Variants in YEATS2 observed in about 807,000 individuals in gnomAD.
YEATS2 encodes the protein YEATS domain-containing protein 2.
In YEATS2, 77 loss-of-function variants were observed where a neutral mutation model predicts 163.2. The ratio of observed to expected loss-of-function variants is 0.47; its 90% CI spans 0.39 to 0.57. YEATS2 has a LOEUF of 0.57. Ranked by LOEUF, YEATS2 falls within the 20% of genes least tolerant of loss-of-function variation. The pLI, the probability that YEATS2 is intolerant of heterozygous loss-of-function variation, is 0.00. For synonymous variants in YEATS2, 631 were observed against 645.1 expected (o/e 0.98, Z 0.33); for missense variants, 1,549 against 1,729.8 (o/e 0.90, Z 1.85).
In YEATS2 at chr3:183,804,148, C is replaced by A; in HGVS notation, c.3744C>A (p.Asp1248Glu). 1 of 1,614,168 alleles carries A rather than the reference C, an allele frequency of 6.2e-7. No homozygotes were observed. Among genetic ancestry groups the A allele is most frequent in the Non-Finnish European group, 8.5e-7 (1 of 1,180,032 alleles). The change falls in exon 27 of 31, where the codon GAC (aspartate) becomes GAA (glutamate). Residue 1248 changes from aspartate (D) to glutamate (E), a missense_variant. Coordinates refer to ENST00000305135, the MANE Select transcript of YEATS2 (RefSeq NM_018023.5). Reference protein sequence around the residue: ...PDPESLRNDGDSIEDVLTQID... With the variant: ...PDPESLRNDGESIEDVLTQID... The stretch of plus-strand genomic sequence containing the variant: ...CTGAGAGCCTGAGGAATGACGGGGA[C>A]TCCATCGAGGACGTGCTGACCCAGA...
intron 9 of YEATS2, among the ~76,000 whole-genome samples, chr3:183,749,278 C>T (rs1039790864): frequency 1.3e-5 from 2 of 152,170 alleles, no homozygotes; most frequent in Non-Finnish European, 1.5e-5. Context: ...GCTTAAAAAA[C>T]ACGTAACACA....
intron 1 of YEATS2, among the ~76,000 whole-genome samples, chr3:183,703,363 A>G (rs1246040347): frequency 4.6e-5 from 7 of 152,146 alleles, no homozygotes; most frequent in African/African-American, 1.4e-4. Flanking sequence ...TTAGCATAGC[A>G]TTTTTTTGTC....
rs115915018 is a variant in YEATS2 at position 183,760,004 on chromosome 3, C to T, written c.1656+1039C>T. Among the ~76,000 whole-genome samples, 650 of 152,284 alleles carry T rather than the reference C, an allele frequency of 4.3e-3. 7 individuals carry two copies. Among genetic ancestry groups the T allele is most frequent in the African/African-American group, 0.015 (630 of 41,570 alleles). The stretch of plus-strand genomic sequence containing the variant: ...TAAAATTTACAACTCCAAATATGAT[C>T]TGACCTGTTCCAGTCAAATGACTGG... On this transcript the variant is annotated intron_variant, in intron 13 of 30. Transcript: ENST00000305135.
At chr3:183,771,456 T>A (rs1167303596) in intron 15 of YEATS2, among the ~76,000 whole-genome samples, 1 of 151,712 alleles carries the variant, frequency 6.6e-6, no homozygotes, top group Non-Finnish European at 1.5e-5. Context: ...AAAGAATTCA[T>A]TTTACTTTTG....
At chr3:183,727,327 C>G (rs1042988511) in intron 6 of YEATS2, among the ~76,000 whole-genome samples, 13 of 152,124 alleles carry the variant, frequency 8.5e-5, no homozygotes, top group African/African-American at 2.9e-4. Context: ...CTTCTTTATG[C>G]CAATACATTG....
chr3:183,752,370 C>T, intron 10 of YEATS2, 117 bp downstream of exon 10: 1 of 1,254,342 alleles, frequency 8.0e-7, no homozygotes, highest in Non-Finnish European at 1.1e-6. Flanking sequence ...CATGCTGCCT[C>T]TACTACACAG....
chr3:183,727,320 C>T (rs1286529785), intron 6 of YEATS2, among the ~76,000 whole-genome samples: 4 of 152,188 alleles, frequency 2.6e-5, no homozygotes, highest in Non-Finnish European at 4.4e-5. Context: ...CTATTAACTT[C>T]TTTATGCCAA....
intron 15 of YEATS2, among the ~76,000 whole-genome samples, chr3:183,768,681 A>G (rs1722157226): frequency 6.6e-6 from 1 of 152,162 alleles, no homozygotes; most frequent in Non-Finnish European, 1.5e-5. Flanking sequence ...AATGAAGTTC[A>G]TGCAGTTAGA....
intron 8 of YEATS2, among the ~76,000 whole-genome samples, chr3:183,743,240 A>G (rs981305915): frequency 6.6e-6 from 1 of 152,234 alleles, no homozygotes; most frequent in Non-Finnish European, 1.5e-5. Context: ...GAAATATACC[A>G]AAAAGTTGGA....
chr3:183,765,337 G>A (rs371974621), intron 15 of YEATS2, among the ~76,000 whole-genome samples: 4 of 152,190 alleles, frequency 2.6e-5, no homozygotes, highest in East Asian at 1.9e-4. Flanking sequence ...ATTTTTTGCC[G>A]CTTTGCATAT....
chr3:183,714,641 T>C (rs1715642525), intron 1 of YEATS2, among the ~76,000 whole-genome samples: 1 of 152,218 alleles, frequency 6.6e-6, no homozygotes, highest in South Asian at 2.1e-4. Flanking sequence ...TGATACCTGC[T>C]AAGTACCAGA....
intron 1 of YEATS2, among the ~76,000 whole-genome samples, chr3:183,704,502 GT>G (rs1714421542): frequency 1.3e-5 from 2 of 152,054 alleles, no homozygotes; most frequent in African/African-American, 4.8e-5. Flanking sequence ...TATTAGAAGA[GT>G]GTCTTATTTT....
At chr3:183,716,069 C>T (rs1041255943) in intron 2 of YEATS2, among the ~76,000 whole-genome samples, 1 of 152,138 alleles carries the variant, frequency 6.6e-6, no homozygotes, top group African/African-American at 2.4e-5. Flanking sequence ...GCGCCATTCT[C>T]CTGCGTCAGC....
At chr3:183,727,429 C>T (rs892436353) in intron 6 of YEATS2, among the ~76,000 whole-genome samples, 1 of 152,124 alleles carries the variant, frequency 6.6e-6, no homozygotes, top group Admixed American at 6.5e-5. Context: ...TCTGGGCCGA[C>T]CTGTCTTGTA....
intron 15 of YEATS2, among the ~76,000 whole-genome samples, chr3:183,768,362 G>A (rs539623321): frequency 1.4e-4 from 21 of 152,330 alleles, no homozygotes; most frequent in African/African-American, 4.3e-4. Flanking sequence ...TAGCCAGAAA[G>A]CAAATGGCCA....
At chr3:183,755,552 G>A (rs2109309190) in intron 11 of YEATS2, among the ~76,000 whole-genome samples, 1 of 152,260 alleles carries the variant, frequency 6.6e-6, no homozygotes, top group South Asian at 2.1e-4. Flanking sequence ...AAAGACAGTA[G>A]AGGATGTTTA....
At position 183,772,439 on chromosome 3, in the gene YEATS2, C is replaced by G; in HGVS notation, c.2082C>G (p.Thr694=). 1.9e-6 allele frequency: 3 copies of G among 1,614,088 alleles called. No individual in the cohort carries two copies. Among genetic ancestry groups the G allele is most frequent in the Non-Finnish European group, 2.5e-6 (3 of 1,180,022 alleles). Residue 694 remains threonine, a synonymous_variant, in exon 16 of 31, where the codon ACC becomes ACG. Transcript: ENST00000305135. ...CAGTTGGGCCAAAGCAAGTTGTAAC[C>G]CAAGGAGTTGCCAAAGCAATTGTGA... ...SKAVGPKQVV[T]QGVAKAIVSG...
At chr3:183,699,378 G>C (rs1226288701) in intron 1 of YEATS2, among the ~76,000 whole-genome samples, 2 of 151,754 alleles carry the variant, frequency 1.3e-5, no homozygotes, top group Non-Finnish European at 2.9e-5. Flanking sequence ...TGGATGTAGA[G>C]GGCTGGAACT....
rs777366711 is a variant in YEATS2, at chr3:183,761,572, A to G, written c.1722A>G (p.Gln574=). The change falls in exon 14 of 31, where the codon CAA becomes CAG. Residue 574 remains glutamine (Q), a synonymous_variant. Transcript: ENST00000305135. ...LCPIGSHPKV[Q]SPKPITGGLG... is the part of the protein sequence containing the mutation. ...CAATTGGGAGTCACCCTAAGGTTCA[A>G]AGCCCCAAACCTATAACAGGAGGAC... The G allele has an allele frequency of 1.9e-6, 3 of 1,614,144 alleles. No individual in the cohort carries two copies. The highest frequency in any genetic ancestry group is 2.5e-6 in the Non-Finnish European group (3 of 1,180,004).
Sources: gnomAD v4.1 joint callset for allele counts (sites outside exome capture counted in the v4.1 genomes callset) on GRCh38, gnomAD v4.1.1 for gene constraint, MANE v1.5 for transcripts, NCBI Gene and HGNC (gene_info 2026-07-23, HGNC 2026-07-21) for gene names.